Variants in GRTP1 observed in about 807,000 individuals in gnomAD.
GRTP1 encodes the protein growth hormone regulated TBC protein 1.
In GRTP1, 56 loss-of-function variants were observed where a neutral mutation model predicts 38.1. The ratio of observed to expected loss-of-function variants is 1.47; its 90% confidence interval spans 1.19 to 1.84. The LOEUF (loss-of-function observed/expected upper bound fraction) is 1.84, where lower values mean the gene tolerates loss of function less well. Ranked by LOEUF, GRTP1 falls within the 40% of genes most tolerant of loss-of-function variation. GRTP1 has a pLI of 0.00. For synonymous variants in GRTP1, 217 were observed against 189.5 expected (o/e 1.14, Z -1.19); for missense variants, 506 against 453.9 (o/e 1.11, Z -1.04).
chr13:113,327,988 G>T (rs2042799870), intron 5 of GRTP1, among the ~76,000 whole-genome samples: 1 of 152,226 alleles, frequency 6.6e-6, no homozygotes. Flanking sequence ...CCACCAAGGG[G>T]AGGATTAAAT....
intron 5 of GRTP1, among the ~76,000 whole-genome samples, chr13:113,329,829 T>G (rs1194144610): frequency 2.0e-5 from 3 of 152,208 alleles, no homozygotes; most frequent in East Asian, 3.8e-4. Context: ...TTCTCCCTCT[T>G]CTTCAGTATT....
intron 5 of GRTP1, 40 bp from the exon 6 acceptor site, chr13:113,326,131 G>C (rs780527335): frequency 2.4e-5 from 38 of 1,596,394 alleles, no homozygotes; most frequent in Non-Finnish European, 3.1e-5. Flanking sequence ...AGACACTCCC[G>C]TCACCTCCAC....
intron 5 of GRTP1, among the ~76,000 whole-genome samples, chr13:113,338,138 C>T (rs902014516): frequency 6.6e-6 from 1 of 152,200 alleles, no homozygotes; most frequent in African/African-American, 2.4e-5. Context: ...GGTCAACCTC[C>T]TCCTCTGAGG....
chr13:113,337,521 A>T (rs1271613145), intron 5 of GRTP1, among the ~76,000 whole-genome samples: 7 of 152,098 alleles, frequency 4.6e-5, no homozygotes, highest in Non-Finnish European at 5.9e-5. Flanking sequence ...GAGTTCTTTT[A>T]AAAAAAAGTA....
chr13:113,346,206 G>A (rs147445933), intron 4 of GRTP1, among the ~76,000 whole-genome samples: 5,304 of 19,272 alleles, frequency 0.28, 461 homozygotes, highest in Non-Finnish European at 0.37. Context: ...GAGCAGACCC[G>A]GGAGGACCTC....
rs1407934445 is a variant in GRTP1 at position 113,348,772 on chromosome 13, C to A, written c.465+2077G>T. ...AGCAGAACCAGGGCAAGGCCTGGGA[C>A]AGTCCGTCCGTCACAGCCTCAGAAA... On this transcript the variant is annotated intron_variant, in intron 4 of 7. Transcript: ENST00000375431. This position sits in a 1 kb window ranked among gnomAD's most constrained non-coding sequence, Gnocchi z 4.8. 5.9e-5 allele frequency among the ~76,000 whole-genome samples: 9 copies of A among 152,190 alleles called. No homozygotes were observed.
intron 7 of GRTP1, 21 bp downstream of exon 7, chr13:113,325,640 G>C (rs1422865561): frequency 6.2e-7 from 1 of 1,607,464 alleles, no homozygotes; most frequent in African/African-American, 1.5e-5. Flanking sequence ...AGGGGACTGA[G>C]CCACGTGCAG....
At chr13:113,363,970 C>T in intron 1 of GRTP1, 50 bp downstream of exon 1, 5 of 1,555,916 alleles carry the variant, frequency 3.2e-6, no homozygotes, top group East Asian at 4.8e-5. Context: ...GGTCGCGGGC[C>T]CGCGCGGGGA....
chr13:113,340,736 C>T lies in GRTP1; in HGVS notation c.562+4127G>A, dbSNP rs549396111. Among the ~76,000 whole-genome samples, 280 of 151,996 alleles carry T rather than the reference C, an allele frequency of 1.8e-3. 1 individual carries two copies. Among genetic ancestry groups the T allele is most frequent in the Non-Finnish European group, 3.0e-3 (207 of 67,952 alleles). On this transcript the variant is annotated intron_variant, in intron 5 of 7. Coordinates refer to ENST00000375431, the MANE Select transcript of GRTP1 (RefSeq NM_024719.4). Reference sequence around the variant, plus strand: ...CGGAGCTTGCAGTGAGCCGAGATTGCGCCACTGCACTCCAGCCTGGGCGAC... The same window carrying T: ...CGGAGCTTGCAGTGAGCCGAGATTGTGCCACTGCACTCCAGCCTGGGCGAC...
chr13:113,328,791 AAGG>A (rs1425931925), intron 5 of GRTP1, among the ~76,000 whole-genome samples: 2 of 152,210 alleles, frequency 1.3e-5, no homozygotes, highest in Non-Finnish European at 1.5e-5. Context: ...CCTTCTGTGA[AAGG>A]AGTTTCCATT....
Position 113,346,599 on chromosome 13 carries a change from C to T in GRTP1, c.466-1640G>A, listed in dbSNP as rs1381834691. On this transcript the variant is annotated intron_variant, in intron 4 of 7. Coordinates refer to ENST00000375431, the MANE Select transcript of GRTP1 (RefSeq NM_024719.4). ...GTGGCCGAGAACAGACCCGGGAGGA[C>T]CTCTGTGCCTGACAGTGGACCCGGG... Among the ~76,000 whole-genome samples, 21 of 11,272 alleles carry T rather than the reference C, an allele frequency of 1.9e-3. 4 individuals are homozygous for T. The highest frequency in any genetic ancestry group is 2.1e-3 in the African/African-American group (21 of 9,902). 7.4% of individuals were successfully genotyped at this position (11,272 alleles called of 152,430 possible).
intron 2 of GRTP1, among the ~76,000 whole-genome samples, chr13:113,357,033 C>G (rs190554176): frequency 1.5e-5 from 1 of 68,146 alleles, no homozygotes; most frequent in Non-Finnish European, 3.2e-5. Context: ...TCTTAAGGGC[C>G]GGGCGCAGTG....
chr13:113,331,571 T>C (rs1346678689), intron 5 of GRTP1, among the ~76,000 whole-genome samples: 1 of 151,992 alleles, frequency 6.6e-6, no homozygotes, highest in Non-Finnish European at 1.5e-5. Flanking sequence ...GCACAGCCCT[T>C]ACAGGGCGTG....
chr13:113,326,189 G>C, intron 5 of GRTP1, 98 bp from the exon 6 acceptor site: 1 of 1,452,696 alleles, frequency 6.9e-7, no homozygotes, highest in Admixed American at 2.0e-5. Context: ...GGCCACCCTG[G>C]GAGGACCCCT....
chr13:113,327,608 T>C (rs1167948933), intron 5 of GRTP1, among the ~76,000 whole-genome samples: 1 of 152,256 alleles, frequency 6.6e-6, no homozygotes, highest in Non-Finnish European at 1.5e-5. Context: ...CTAACGCCTC[T>C]GAAGGTGATT....
At chr13:113,355,099 T>G (rs2043358291) in intron 3 of GRTP1, 2 of 504,582 alleles carry the variant, frequency 4.0e-6, no homozygotes, top group Non-Finnish European at 7.0e-6. Context: ...GCCCATTTTC[T>G]TATTAGCCAG....
rs187929810 is a variant in GRTP1, at chr13:113,343,033, G to A, written c.562+1830C>T. Reference sequence around the variant, plus strand: ...CTGCCCTCCACAAAGACAGGAACTCGTGTGTGCTCACCGATGTTTCCCACA... The same window carrying A: ...CTGCCCTCCACAAAGACAGGAACTCATGTGTGCTCACCGATGTTTCCCACA... On this transcript the variant is annotated intron_variant, in intron 5 of 7. Coordinates refer to ENST00000375431, the MANE Select transcript of GRTP1 (RefSeq NM_024719.4). The surrounding 1 kb of genome is among the most constrained non-coding windows in gnomAD (Gnocchi z 4.8). Among the ~76,000 whole-genome samples, 4 of 152,094 alleles carry A rather than the reference G, an allele frequency of 2.6e-5. No individual in the cohort carries two copies. The highest frequency in any genetic ancestry group is 6.6e-5 in the Admixed American group (1 of 15,262).
chr13:113,326,031 A>C lies in GRTP1; in HGVS notation c.623T>G (p.Val208Gly). 2 of 1,613,172 alleles carry C rather than the reference A, an allele frequency of 1.2e-6. No individual in the cohort carries two copies. The highest frequency in any genetic ancestry group is 1.7e-6 in the Non-Finnish European group (2 of 1,179,878). The change falls in exon 6 of 8, where the codon GTG becomes GGG. Residue 208 changes from valine (V) to glycine (G), a missense_variant. Transcript: ENST00000375431. Reference protein sequence around the residue: ...KTDQEVLGELVRAKLPAVGAL... With the variant: ...KTDQEVLGELGRAKLPAVGAL... ...CCCCACAGCCGGCAGCTTCGCCCGCACCAGCTCCCCGAGGACCTCCTGGTC... is the reference window on the plus strand; with the variant it reads ...CCCCACAGCCGGCAGCTTCGCCCGCCCCAGCTCCCCGAGGACCTCCTGGTC...
intron 4 of GRTP1, among the ~76,000 whole-genome samples, chr13:113,345,365 G>A (rs949146762): frequency 2.0e-5 from 3 of 152,246 alleles, no homozygotes; most frequent in Non-Finnish European, 4.4e-5. Flanking sequence ...AGGAACATGT[G>A]CTGACACGCG....
Sources: allele counts gnomAD v4.1 joint callset (sites outside exome capture counted in the v4.1 genomes callset), GRCh38; gene constraint gnomAD v4.1.1; non-coding constraint Gnocchi (gnomAD v3.1); transcripts MANE v1.5; gene names NCBI Gene and HGNC (gene_info 2026-07-23, HGNC 2026-07-21).